Variants in DIAPH2 observed in about 807,000 individuals in gnomAD.
DIAPH2 encodes the protein diaphanous related formin 2, also known as protein diaphanous homolog 2.
In DIAPH2, 35 loss-of-function variants were observed where a neutral mutation model predicts 92.7. That is an observed-to-expected ratio of 0.38 (90% confidence interval 0.29 to 0.50). The LOEUF (loss-of-function observed/expected upper bound fraction) is 0.50, where lower values mean the gene tolerates loss of function less well. Ranked by LOEUF, DIAPH2 falls within the 20% of genes least tolerant of loss-of-function variation. The pLI, the probability that DIAPH2 is intolerant of heterozygous loss-of-function variation, is 0.94. For synonymous variants in DIAPH2, 301 were observed against 280.4 expected (o/e 1.07, Z -0.73); for missense variants, 701 against 819.5 (o/e 0.86, Z 1.77).
intron 17 of DIAPH2, among the ~76,000 whole-genome samples, chrX:97,010,761 A>T (rs947796388): frequency 8.9e-6 from 1 of 112,260 alleles, no homozygotes; most frequent in East Asian, 2.8e-4. Context: ...CAACTACGGT[A>T]TGATCTAAGA....
intron 3 of DIAPH2, among the ~76,000 whole-genome samples, chrX:96,749,151 T>A (rs866926616): frequency 0.02 from 1,750 of 87,208 alleles, 20 homozygotes; most frequent in African/African-American, 0.03. Flanking sequence ...AAAAAATATA[T>A]ATATATATAT....
At chrX:96,909,908 GAAAT>G (rs752506817) in intron 5 of DIAPH2, among the ~76,000 whole-genome samples, 10 of 110,825 alleles carry the variant, frequency 9.0e-5, no homozygotes, top group Admixed American at 2.9e-4. Context: ...CACCAAGAAA[GAAAT>G]AACCCTAATA....
intron 4 of DIAPH2, among the ~76,000 whole-genome samples, chrX:96,880,796 A>G (rs1310291831): frequency 9.0e-6 from 1 of 111,074 alleles, no homozygotes; most frequent in East Asian, 2.8e-4. Context: ...AGTATAGTGA[A>G]TGTGTTGACA....
chrX:97,024,383 T>C (rs777804505), intron 17 of DIAPH2, among the ~76,000 whole-genome samples: 2 of 112,218 alleles, frequency 1.8e-5, no homozygotes, highest in South Asian at 7.5e-4. Context: ...CGTATTCATA[T>C]CTACACATAT....
intron 21 of DIAPH2, among the ~76,000 whole-genome samples, chrX:97,133,488 A>G (rs185203083): frequency 2.3e-3 from 260 of 110,975 alleles, no homozygotes; most frequent in African/African-American, 8.0e-3. Context: ...GGTTTCACCA[A>G]GTTGGTCAGG....
At chrX:96,919,209 T>A (rs2065525096) in intron 9 of DIAPH2, among the ~76,000 whole-genome samples, 1 of 112,616 alleles carries the variant, frequency 8.9e-6, no homozygotes, top group Non-Finnish European at 1.9e-5. Context: ...AGAATGCATA[T>A]TTATTGGCTG....
At chrX:96,888,597 A>G (rs1318674299) in intron 5 of DIAPH2, among the ~76,000 whole-genome samples, 1 of 91,779 alleles carries the variant, frequency 1.1e-5, no homozygotes, top group African/African-American at 3.7e-5. Context: ...ATATACAGAT[A>G]TATATATCTA....
intron 23 of DIAPH2, among the ~76,000 whole-genome samples, chrX:97,321,516 A>G (rs2068894026): frequency 9.8e-6 from 1 of 102,109 alleles, no homozygotes; most frequent in Non-Finnish European, 2.0e-5. Context: ...ACATTCACAT[A>G]TGTATGTGTT....
At chrX:97,293,103 C>G (rs1826395889) in intron 23 of DIAPH2, among the ~76,000 whole-genome samples, 1 of 110,751 alleles carries the variant, frequency 9.0e-6, no homozygotes, top group Non-Finnish European at 1.9e-5. Flanking sequence ...CTTAGGCCAA[C>G]AAATCTACTC....
intron 22 of DIAPH2, among the ~76,000 whole-genome samples, chrX:97,245,903 CTT>C (rs748187119): frequency 5.1e-5 from 5 of 97,993 alleles, no homozygotes; most frequent in African/African-American, 7.4e-5. Context: ...TTTGTCTTCA[CTT>C]TTTTTTTTTT....
At chrX:97,171,904 C>T (rs772369499) in intron 22 of DIAPH2, among the ~76,000 whole-genome samples, 2 of 108,380 alleles carry the variant, frequency 1.8e-5, no homozygotes, top group South Asian at 8.2e-4. Flanking sequence ...CGCGCCACTG[C>T]ACTCCAGCCC....
At chrX:97,038,236 C>A (rs1475011933) in intron 17 of DIAPH2, among the ~76,000 whole-genome samples, 1 of 111,803 alleles carries the variant, frequency 8.9e-6, no homozygotes, top group Non-Finnish European at 1.9e-5. Flanking sequence ...CACACACACA[C>A]ACCACATTTT....
At chrX:96,865,073 C>G (rs954729423) in intron 4 of DIAPH2, among the ~76,000 whole-genome samples, 2 of 111,873 alleles carry the variant, frequency 1.8e-5, no homozygotes, top group African/African-American at 6.5e-5. Flanking sequence ...ATTTTAAACC[C>G]CAGTTTATTA....
At chrX:97,303,788 T>A (rs772846331) in intron 23 of DIAPH2, among the ~76,000 whole-genome samples, 242 of 112,050 alleles carry the variant, frequency 2.2e-3, no homozygotes, top group South Asian at 8.2e-3. Flanking sequence ...GGGGCTATAC[T>A]ATAAAACATT....
Position 97,501,061 on chromosome X carries a change from C to T in DIAPH2, c.3241+71316C>T, listed in dbSNP as rs1295690211. 2.8e-5 allele frequency among the ~76,000 whole-genome samples: 3 copies of T among 108,548 alleles called. No individual in the cohort carries two copies. In the East Asian group the frequency reaches 8.7e-4, roughly 32 times the overall value. 94.3% of individuals were successfully genotyped at this position (108,548 alleles called of 115,157 possible). A position where few individuals can be genotyped will look rare whatever the true frequency, so the allele number is the denominator to read the frequency against. On this transcript the variant is annotated intron_variant, in intron 26 of 26. Transcript: ENST00000324765. ...AGCAGACACTCCCCCACCATTCCCCCTCCCCAAGTTCAGCATCAGGAATAA... is the reference window on the plus strand; with the variant it reads ...AGCAGACACTCCCCCACCATTCCCCTTCCCCAAGTTCAGCATCAGGAATAA...
Position 96,930,792 on chromosome X carries a change from A to C in DIAPH2, c.1038A>C (p.Arg346=). Reference sequence around the variant, plus strand: ...CTTCTCCTTATGAGCTTGATTTTCGAATACATTTAAGGAATGAATTCCTCC... The same window carrying C: ...CTTCTCCTTATGAGCTTGATTTTCGCATACATTTAAGGAATGAATTCCTCC... ...LVTSPYELDF[R]IHLRNEFLRS... Residue 346 remains arginine, a synonymous_variant, in exon 10 of 27, where the codon CGA becomes CGC. Transcript: ENST00000324765. 3.3e-6 allele frequency: 4 copies of C among 1,202,738 alleles called. No individual in the cohort carries two copies. The highest frequency in any genetic ancestry group is 4.5e-6 in the Non-Finnish European group (4 of 891,747).
chrX:96,833,156 T>C (rs1179052829), intron 4 of DIAPH2, among the ~76,000 whole-genome samples: 2 of 110,962 alleles, frequency 1.8e-5, no homozygotes, highest in Non-Finnish European at 3.8e-5. Context: ...AATATGGAAG[T>C]TCTGTATGGA....
chrX:97,369,424 T>C (rs1177890298), intron 24 of DIAPH2, among the ~76,000 whole-genome samples: 4 of 103,249 alleles, frequency 3.9e-5, no homozygotes, highest in Non-Finnish European at 4.0e-5. Context: ...GTATGCTTGC[T>C]CTATAACTTC....
chrX:97,328,799 A>G (rs963619494), intron 23 of DIAPH2, among the ~76,000 whole-genome samples: 1 of 111,644 alleles, frequency 9.0e-6, no homozygotes, highest in Non-Finnish European at 1.9e-5. Context: ...TTTCTAGACT[A>G]ATATACAGCC....
Sources: allele counts gnomAD v4.1 joint callset (sites outside exome capture counted in the v4.1 genomes callset), GRCh38; gene constraint gnomAD v4.1.1; transcripts MANE v1.5; gene names NCBI Gene and HGNC (gene_info 2026-07-23, HGNC 2026-07-21).